The following TMEM132E variants were observed in gnomAD, a reference collection of about 807,000 sequenced individuals.
The protein encoded by TMEM132E is transmembrane protein 132E.
A neutral mutation model predicts 78.5 loss-of-function variants in TMEM132E; 49 were observed. That is an observed-to-expected ratio of 0.62 (90% confidence interval 0.50 to 0.79). The LOEUF (loss-of-function observed/expected upper bound fraction) is 0.79. Among genes scored for constraint, TMEM132E ranks in the 30% least tolerant of loss-of-function variants. TMEM132E has a pLI of 0.00. For synonymous variants in TMEM132E, 715 were observed against 670.6 expected (o/e 1.07, Z -1.02); for missense variants, 1,403 against 1,470.9 (o/e 0.95, Z 0.75).
chr17:34,626,974 C>T lies in TMEM132E; in HGVS notation c.915C>T (p.Pro305=), dbSNP rs140315218. 3,377 of 1,613,938 alleles carry T rather than the reference C, an allele frequency of 2.1e-3. 7 individuals are homozygous for T. Among genetic ancestry groups the T allele is most frequent in the Non-Finnish European group, 2.6e-3 (3,037 of 1,180,030 alleles). Residue 305 remains proline, a synonymous_variant, in exon 2 of 9, where the codon CCC becomes CCT. Coordinates refer to ENST00000631683, the MANE Select transcript of TMEM132E (RefSeq NM_001304438.2). ...GCCTGCCAGACCGGCCCCTCAAGCCCGGGGAAGTGCTCAGCATCCTCCTCT... is the reference window on the plus strand; with the variant it reads ...GCCTGCCAGACCGGCCCCTCAAGCCTGGGGAAGTGCTCAGCATCCTCCTCT... ...MIRLPDRPLK[P]GEVLSILLYL... is the part of the protein sequence containing the mutation.
chr17:34,581,464 C>T (rs552964057), intron 1 of TMEM132E, among the ~76,000 whole-genome samples: 56 of 152,214 alleles, frequency 3.7e-4, no homozygotes, highest in African/African-American at 1.3e-3. Flanking sequence ...AGGGATCCTC[C>T]GGATCGCGTC....
intron 1 of TMEM132E, among the ~76,000 whole-genome samples, chr17:34,621,579 C>T (rs1218977905): frequency 2.6e-5 from 4 of 152,166 alleles, no homozygotes; most frequent in Non-Finnish European, 4.4e-5. Flanking sequence ...GGAGAAGCCC[C>T]TTTTCTCAGG....
At chr17:34,633,844 T>A (rs1474085798) in intron 6 of TMEM132E, among the ~76,000 whole-genome samples, 1 of 152,200 alleles carries the variant, frequency 6.6e-6, no homozygotes, top group African/African-American at 2.4e-5. Flanking sequence ...AGCTCCTGGG[T>A]GATAGCGATA....
At chr17:34,635,825 G>T (rs1907500875) in intron 7 of TMEM132E, 182 bp from the exon 8 acceptor site, 2 of 481,514 alleles carry the variant, frequency 4.2e-6, no homozygotes, top group Admixed American at 4.4e-5. Flanking sequence ...ACCCTCTCAT[G>T]ACCTCTGGAC....
At chr17:34,595,781 CCAA>C in intron 1 of TMEM132E, among the ~76,000 whole-genome samples, 1 of 152,142 alleles carries the variant, frequency 6.6e-6, no homozygotes, top group Non-Finnish European at 1.5e-5. Flanking sequence ...GGCAGCAACG[CCAA>C]CAATTGCTGA....
At chr17:34,634,736 G>T in intron 6 of TMEM132E, 63 bp from the exon 7 acceptor site, 2 of 1,529,568 alleles carry the variant, frequency 1.3e-6, no homozygotes, top group Non-Finnish European at 1.8e-6. Flanking sequence ...AGGGTGCGGG[G>T]TGTGTACTGT....
At chr17:34,603,317 G>A (rs771395286) in intron 1 of TMEM132E, among the ~76,000 whole-genome samples, 4 of 152,068 alleles carry the variant, frequency 2.6e-5, no homozygotes, top group East Asian at 3.9e-4. Flanking sequence ...ACAGACCCTC[G>A]GACCCCCAGA....
chr17:34,611,183 G>A (rs1906579803), intron 1 of TMEM132E, among the ~76,000 whole-genome samples: 1 of 152,250 alleles, frequency 6.6e-6, no homozygotes, highest in African/African-American at 2.4e-5. Flanking sequence ...AAGGCACAGA[G>A]GCAGAAAGAG....
chr17:34,613,164 T>TA (rs1906647840), intron 1 of TMEM132E, among the ~76,000 whole-genome samples: 2 of 120,478 alleles, frequency 1.7e-5, no homozygotes, highest in Non-Finnish European at 3.6e-5. Flanking sequence ...TCTCTCTCTC[T>TA]CTCTCTCTCT....
chr17:34,592,049 A>G (rs1055433254), intron 1 of TMEM132E, among the ~76,000 whole-genome samples: 2 of 152,232 alleles, frequency 1.3e-5, no homozygotes, highest in Non-Finnish European at 2.9e-5. Flanking sequence ...GCTGGGAAGC[A>G]TGTTTAAGAC....
At chr17:34,609,608 G>A (rs541027046) in intron 1 of TMEM132E, among the ~76,000 whole-genome samples, 12 of 152,306 alleles carry the variant, frequency 7.9e-5, no homozygotes, top group African/African-American at 2.9e-4. Context: ...ATGTGTGGAT[G>A]TGGAGGAGAC....
At chr17:34,599,255 A>T (rs188811295) in intron 1 of TMEM132E, among the ~76,000 whole-genome samples, 46 of 152,230 alleles carry the variant, frequency 3.0e-4, no homozygotes, top group African/African-American at 1.1e-3. Flanking sequence ...AAGATGAATG[A>T]CTCAGATTAG....
chr17:34,595,974 C>T (rs11080286), intron 1 of TMEM132E, among the ~76,000 whole-genome samples: 108,302 of 151,876 alleles, frequency 0.71, 39,353 homozygotes, highest in East Asian at 0.83. Flanking sequence ...AAATGTGTGA[C>T]TGGTTTTCTT....
At chr17:34,594,131 T>C (rs1179020204) in intron 1 of TMEM132E, among the ~76,000 whole-genome samples, 1 of 152,248 alleles carries the variant, frequency 6.6e-6, no homozygotes, top group Admixed American at 6.5e-5. Flanking sequence ...CATGGTTATG[T>C]GTTCCATTGG....
At chr17:34,612,697 C>T (rs1444209591) in intron 1 of TMEM132E, among the ~76,000 whole-genome samples, 2 of 152,114 alleles carry the variant, frequency 1.3e-5, no homozygotes, top group African/African-American at 4.8e-5. Context: ...CAGCTCAGGT[C>T]TGGGATCATA....
intron 1 of TMEM132E, among the ~76,000 whole-genome samples, chr17:34,598,158 C>A (rs1906117681): frequency 6.6e-6 from 1 of 152,124 alleles, no homozygotes. Flanking sequence ...TCCCTAAGGT[C>A]TCATCTGTCC....
intron 1 of TMEM132E, among the ~76,000 whole-genome samples, chr17:34,583,310 A>G (rs749288942): frequency 7.9e-5 from 12 of 151,918 alleles, no homozygotes; most frequent in Non-Finnish European, 1.8e-4. Flanking sequence ...TTCCTTTCCA[A>G]CCTCCTTCCC....
intron 1 of TMEM132E, among the ~76,000 whole-genome samples, chr17:34,612,373 G>A (rs1906621587): frequency 6.6e-6 from 1 of 152,178 alleles, no homozygotes; most frequent in South Asian, 2.1e-4. Context: ...AATGTGCTCT[G>A]CTGTTGCTTC....
At chr17:34,633,381 C>T (rs899867831) in intron 6 of TMEM132E, among the ~76,000 whole-genome samples, 2 of 152,238 alleles carry the variant, frequency 1.3e-5, no homozygotes, top group African/African-American at 2.4e-5. Context: ...CACACCTGTA[C>T]ACATGTGTCC....
Sources: allele counts gnomAD v4.1 joint callset (sites outside exome capture counted in the v4.1 genomes callset), GRCh38; gene constraint gnomAD v4.1.1; transcripts MANE v1.5; gene names NCBI Gene and HGNC (gene_info 2026-07-23, HGNC 2026-07-21).